Variants in SIGMAR1 observed in about 807,000 individuals in gnomAD.
SIGMAR1 encodes SR31747 binding protein 1.
SIGMAR1 carries 18 observed loss-of-function variants against 25.4 expected under a neutral mutation model. The ratio of observed to expected loss-of-function variants is 0.71; its 90% CI spans 0.49 to 1.05. The LOEUF is 1.05. Among genes scored for constraint, SIGMAR1 ranks in the 50% least tolerant of loss-of-function variants. SIGMAR1 has a pLI of 0.00. For synonymous variants in SIGMAR1, 125 were observed against 131.6 expected (o/e 0.95, Z 0.34); for missense variants, 249 against 301.6 (o/e 0.83, Z 1.29).
chr9:34,637,713 G>C lies in SIGMAR1; in HGVS notation c.-16C>G. ...CCCACTGCATCCCGGCGGGCGGCCT[G>C]GCACGGCGCAGCTCAGGAGGGAGCC... On this transcript the variant is annotated 5_prime_UTR_variant, in exon 1 of 4. Coordinates refer to ENST00000277010, the MANE Select transcript of SIGMAR1 (RefSeq NM_005866.4). The C allele has an allele frequency of 6.6e-7, 1 of 1,507,942 alleles. No homozygotes were observed. The highest frequency in any genetic ancestry group is 8.8e-7 in the Non-Finnish European group (1 of 1,131,194). 93.4% of individuals were successfully genotyped at this position (1,507,942 alleles called of 1,614,324 possible).
chr9:34,636,132 C>T (rs749012987), intron 3 of SIGMAR1, among the ~76,000 whole-genome samples: 3 of 152,030 alleles, frequency 2.0e-5, no homozygotes, highest in South Asian at 2.1e-4. Context: ...AAGCCTCACT[C>T]GAATCAAGCA....
In SIGMAR1 at chr9:34,637,436, G is replaced by A. The variant is rs747164242; in HGVS notation, c.152-16C>T. On this transcript the variant is annotated splice_polypyrimidine_tract_variant and intron_variant, in intron 1 of 3. Transcript: ENST00000277010. ...TGGTCCAGCCCTGGCGGAGGCAGAGGGGCGGCGGAGTCAGGGCTGGCACCG... is the reference window on the plus strand; with the variant it reads ...TGGTCCAGCCCTGGCGGAGGCAGAGAGGCGGCGGAGTCAGGGCTGGCACCG... The A allele has an allele frequency of 1.2e-5, 19 of 1,598,312 alleles. No homozygotes were observed. Among genetic ancestry groups the A allele is most frequent in the Non-Finnish European group, 1.5e-5 (18 of 1,178,056 alleles).
In SIGMAR1 at chr9:34,637,284, C is replaced by A. The variant is rs1025034965; in HGVS notation, c.288G>T (p.Leu96=). The A allele has an allele frequency of 1.3e-6, 2 of 1,583,602 alleles. No homozygotes were observed. The highest frequency in any genetic ancestry group is 1.8e-5 in the Admixed American group (1 of 56,550). ...GCACATACTCGGACAGCGAGGCGTGCAGAAGGCACATGGCGCCCATCCAGC... is the reference window on the plus strand; with the variant it reads ...GCACATACTCGGACAGCGAGGCGTGAAGAAGGCACATGGCGCCCATCCAGC... ...AGGWMGAMCL[L]HASLSEYVLL... The change falls in exon 2 of 4, where the codon CTG becomes CTT. Residue 96 remains leucine (L), a synonymous_variant. Transcript: ENST00000277010.
intron 3 of SIGMAR1, chr9:34,636,770 A>G (rs1442542679): frequency 3.3e-6 from 2 of 598,680 alleles, no homozygotes; most frequent in African/African-American, 3.7e-5. Context: ...GATAAAAATC[A>G]GACATGTTTA....
rs144813067 is a variant in SIGMAR1, at chr9:34,635,848, T to C, written c.456A>G (p.Val152=). ...CTGTTGCCTCACCAGGCCCGTGTAC[T>C]ACCGTCTCCCCTGGGGGACAGGGAG... The part of the protein sequence containing the change: ...KSEVFYPGET[V]VHGPGEATAV... Residue 152 remains valine (V), a synonymous_variant, in exon 4 of 4, where the codon GTA becomes GTG. Coordinates refer to ENST00000277010, the MANE Select transcript of SIGMAR1 (RefSeq NM_005866.4). This position sits in a 1 kb window ranked among gnomAD's most constrained non-coding sequence, Gnocchi z 4.5. The C allele has an allele frequency of 4.7e-5, 76 of 1,613,948 alleles. No homozygotes were observed. The highest frequency in any genetic ancestry group is 6.3e-5 in the Non-Finnish European group (74 of 1,180,014).
At position 34,637,531 on chromosome 9, in the gene SIGMAR1, C is replaced by A; in HGVS notation, c.151+16G>T. 6.3e-7 allele frequency: 1 copy of A among 1,584,990 alleles called. No homozygotes were observed. The highest frequency in any genetic ancestry group is 2.3e-5 in the East Asian group (1 of 43,558). On this transcript the variant is annotated intron_variant, in intron 1 of 3. Coordinates refer to ENST00000277010, the MANE Select transcript of SIGMAR1 (RefSeq NM_005866.4). ...CCCAGGCCGGCCGCTCCCCTCCCTG[C>A]CCTCTGCCCGCTCACCAGCGTACTG... is the stretch of plus-strand genomic sequence containing the variant.
Position 34,635,270 on chromosome 9 carries a change from C to A in SIGMAR1, c.*362G>T. 2.8e-6 allele frequency: 1 copy of A among 360,438 alleles called. No individual in the cohort carries two copies. The highest frequency in any genetic ancestry group is 2.3e-5 in the South Asian group (1 of 43,788). The allele number at this position is 360,438 out of a possible 1,614,324, so 22.3% of individuals were successfully genotyped here. ...TCCCCCATCCTTAACTCTAGAACCCCGGTTTGGTGGGGAGGAGGTGGGAAG... is the reference window on the plus strand; with the variant it reads ...TCCCCCATCCTTAACTCTAGAACCCAGGTTTGGTGGGGAGGAGGTGGGAAG... On this transcript the variant is annotated 3_prime_UTR_variant, in exon 4 of 4. Transcript: ENST00000277010. This position sits in a 1 kb window ranked among gnomAD's most constrained non-coding sequence, Gnocchi z 4.5.
rs1820778756 is a variant in SIGMAR1 at position 34,634,811 on chromosome 9, GTGTGTGTGTGTGTGTATGTGT to G, written c.*800_*820del. The stretch of plus-strand genomic sequence containing the variant: ...TGTGTGAAAACTGTGATATGTGTGT[GTGTGTGTGTGTGTGTATGTGT>G]TGTGTGTGTGTAAAAGGCCTTCTCC... On this transcript the variant is annotated 3_prime_UTR_variant, in exon 4 of 4. Transcript: ENST00000277010. The G allele has an allele frequency of 6.6e-6, 1 of 152,660 alleles. No individual in the cohort carries two copies. The highest frequency in any genetic ancestry group is 1.5e-5 in the Non-Finnish European group (1 of 68,518). 9.5% of individuals were successfully genotyped at this position (152,660 alleles called of 1,614,324 possible).
At position 34,637,712 on chromosome 9, in the gene SIGMAR1, T is replaced by A; in HGVS notation, c.-15A>T. ...GCCCACTGCATCCCGGCGGGCGGCC[T>A]GGCACGGCGCAGCTCAGGAGGGAGC... is the stretch of plus-strand genomic sequence containing the variant. On this transcript the variant is annotated 5_prime_UTR_variant, in exon 1 of 4. Transcript: ENST00000277010. 6.6e-7 allele frequency: 1 copy of A among 1,508,406 alleles called. No homozygotes were observed. The highest frequency in any genetic ancestry group is 8.8e-7 in the Non-Finnish European group (1 of 1,131,246). The allele number at this position is 1,508,406 out of a possible 1,614,324, so 93.4% of individuals were successfully genotyped here. A position where few individuals can be genotyped will look rare whatever the true frequency, so the allele number is the denominator to read the frequency against.
intron 1 of SIGMAR1, 39 bp downstream of exon 1, chr9:34,637,508 C>A: frequency 6.3e-7 from 1 of 1,581,354 alleles, no homozygotes; most frequent in Non-Finnish European, 8.6e-7. Flanking sequence ...GCTCCGCTCC[C>A]AGGCCGGCCG....
rs908603156 is a variant in SIGMAR1, at chr9:34,635,317, T to C, written c.*315A>G. The C allele has an allele frequency of 1.7e-5, 7 of 411,390 alleles. No individual in the cohort carries two copies. Among genetic ancestry groups the C allele is most frequent in the Non-Finnish European group, 2.8e-5 (6 of 217,796 alleles). 25.5% of individuals were successfully genotyped at this position (411,390 alleles called of 1,614,324 possible). On this transcript the variant is annotated 3_prime_UTR_variant, in exon 4 of 4. Coordinates refer to ENST00000277010, the MANE Select transcript of SIGMAR1 (RefSeq NM_005866.4). The surrounding 1 kb of genome is among the most constrained non-coding windows in gnomAD (Gnocchi z 4.5). ...GAAGCTGTGGAGCTATGGAAAGGCC[T>C]CAGTTAGTGAGTCAAGCTGTGATGT...
chr9:34,635,920 C>T lies in SIGMAR1; in HGVS notation c.446-62G>A. 1.2e-6 allele frequency: 2 copies of T among 1,606,076 alleles called. No individual in the cohort carries two copies. The highest frequency in any genetic ancestry group is 4.5e-5 in the East Asian group (2 of 44,502). ...CTGCCCTGCCCTTCCATGGCTGCTGCTTCCCTGGCCCATGGACTAACTAGG... is the reference window on the plus strand; with the variant it reads ...CTGCCCTGCCCTTCCATGGCTGCTGTTTCCCTGGCCCATGGACTAACTAGG... On this transcript the variant is annotated intron_variant, in intron 3 of 3. Transcript: ENST00000277010. The surrounding 1 kb of genome is among the most constrained non-coding windows in gnomAD (Gnocchi z 4.5).
In SIGMAR1 at chr9:34,636,825, A is replaced by G. The variant is rs1471669314; in HGVS notation, c.445+172T>C. 4.7e-5 allele frequency: 31 copies of G among 655,292 alleles called. No individual in the cohort carries two copies. In the Admixed American group the frequency reaches 6.3e-4, roughly 13 times the overall value. The allele number at this position is 655,292 out of a possible 1,614,324, so 40.6% of individuals were successfully genotyped here. A position where few individuals can be genotyped will look rare whatever the true frequency, so the allele number is the denominator to read the frequency against. ...TGTTTCCCCTTGACAGAGGAAAGCA[A>G]GAGTCCCTCAGCTCTGCCCCAACCA... is the stretch of plus-strand genomic sequence containing the variant. On this transcript the variant is annotated intron_variant, in intron 3 of 3. Coordinates refer to ENST00000277010, the MANE Select transcript of SIGMAR1 (RefSeq NM_005866.4).
chr9:34,637,540 C>T lies in SIGMAR1; in HGVS notation c.151+7G>A. ...GCCGCTCCCCTCCCTGCCCTCTGCC[C>T]GCTCACCAGCGTACTGCCGCGCCAA... On this transcript the variant is annotated splice_region_variant and intron_variant, in intron 1 of 3. Transcript: ENST00000277010. 1 of 1,584,846 alleles carries T rather than the reference C, an allele frequency of 6.3e-7. No individual in the cohort carries two copies. Among genetic ancestry groups the T allele is most frequent in the Non-Finnish European group, 8.5e-7 (1 of 1,170,098 alleles).
intron 3 of SIGMAR1, among the ~76,000 whole-genome samples, chr9:34,636,445 G>A (rs1449564417): frequency 6.6e-6 from 1 of 151,918 alleles, no homozygotes; most frequent in Non-Finnish European, 1.5e-5. Flanking sequence ...CATCCTGGCT[G>A]GTATGGTGAA....
Position 34,637,722 on chromosome 9 carries a change from C to G in SIGMAR1, c.-25G>C. ...TCCCGGCGGGCGGCCTGGCACGGCG[C>G]AGCTCAGGAGGGAGCCGGGGCCTGA... is the stretch of plus-strand genomic sequence containing the variant. On this transcript the variant is annotated 5_prime_UTR_variant, in exon 1 of 4. Coordinates refer to ENST00000277010, the MANE Select transcript of SIGMAR1 (RefSeq NM_005866.4). The G allele has an allele frequency of 6.7e-7, 1 of 1,493,422 alleles. No homozygotes were observed. Among genetic ancestry groups the G allele is most frequent in the Non-Finnish European group, 8.9e-7 (1 of 1,122,030 alleles). 92.5% of individuals were successfully genotyped at this position (1,493,422 alleles called of 1,614,324 possible). A position where few individuals can be genotyped will look rare whatever the true frequency, so the allele number is the denominator to read the frequency against.
intron 3 of SIGMAR1, 165 bp downstream of exon 3, chr9:34,636,832 C>T (rs1720418224): frequency 5.9e-6 from 4 of 674,514 alleles, no homozygotes; most frequent in African/African-American, 5.3e-5. Flanking sequence ...GCAAGAGTCC[C>T]TCAGCTCTGC....
intron 1 of SIGMAR1, 45 bp from the exon 2 acceptor site, chr9:34,637,465 C>A: frequency 6.3e-7 from 1 of 1,587,846 alleles, no homozygotes; most frequent in Non-Finnish European, 8.5e-7. Context: ...GGCACCGGTC[C>A]TAGGTCCGGG....
Position 34,637,662 on chromosome 9 carries a change from G to A in SIGMAR1, c.36C>T (p.Ala12=). 6.5e-7 allele frequency: 1 copy of A among 1,533,992 alleles called. No individual in the cohort carries two copies. The highest frequency in any genetic ancestry group is 8.7e-7 in the Non-Finnish European group (1 of 1,145,206). The change falls in exon 1 of 4, where the codon GCC becomes GCT. Residue 12 remains alanine (A), a synonymous_variant. Coordinates refer to ENST00000277010, the MANE Select transcript of SIGMAR1 (RefSeq NM_005866.4). The part of the protein sequence containing the change: ...QWAVGRRWAW[A]ALLLAVAAVL... Reference sequence around the variant, plus strand: ...CCGCTGCGACAGCCAGGAGCAGCGCGGCCCACGCCCACCGCCGGCCCACGG... The same window carrying A: ...CCGCTGCGACAGCCAGGAGCAGCGCAGCCCACGCCCACCGCCGGCCCACGG...
Sources: gnomAD v4.1 joint callset for allele counts (sites outside exome capture counted in the v4.1 genomes callset) on GRCh38, gnomAD v4.1.1 for gene constraint, Gnocchi (gnomAD v3.1) non-coding constraint, MANE v1.5 for transcripts, NCBI Gene and HGNC (gene_info 2026-07-23, HGNC 2026-07-21) for gene names.